ARMH3: variants seen among roughly 807,000 people sequenced by gnomAD.
ARMH3 encodes armadillo-like helical domain-containing protein 3.
A neutral mutation model predicts 99.1 loss-of-function variants in ARMH3; 60 were observed. The observed-to-expected ratio is 0.61, with a 90% CI of 0.49 to 0.75. The LOEUF is 0.75. Among genes scored for constraint, ARMH3 ranks in the 30% least tolerant of loss-of-function variants. The pLI, the probability that ARMH3 is intolerant of heterozygous loss-of-function variation, is 0.00. For synonymous variants in ARMH3, 285 were observed against 292.8 expected (o/e 0.97, Z 0.27); for missense variants, 679 against 843.1 (o/e 0.81, Z 2.41).
chr10:102,046,258 AAG>A (rs1196950874), intron 1 of ARMH3, among the ~76,000 whole-genome samples: 7 of 151,908 alleles, frequency 4.6e-5, no homozygotes, highest in African/African-American at 1.7e-4. Context: ...CTGGAAAAGA[AAG>A]AGAGAAAAAG....
At position 101,906,361 on chromosome 10, in the gene ARMH3, A is replaced by G. The variant is rs77770675; in HGVS notation, c.1782-16871T>C. 7.3e-3 allele frequency among the ~76,000 whole-genome samples: 1,107 copies of G among 152,330 alleles called. 11 individuals carry two copies. The highest frequency in any genetic ancestry group is 0.025 in the African/African-American group (1,053 of 41,560). On this transcript the variant is annotated intron_variant, in intron 23 of 25. Coordinates refer to ENST00000370033, the MANE Select transcript of ARMH3 (RefSeq NM_024541.3). ...CTGCCCTCAAAGTGATGCTGCTAAC[A>G]TATACTCCCACCAGCAGTGTAAAGA...
intron 23 of ARMH3, among the ~76,000 whole-genome samples, chr10:101,924,152 G>A (rs1343403827): frequency 3.3e-5 from 5 of 152,164 alleles, no homozygotes; most frequent in African/African-American, 4.8e-5. Context: ...ATCAGGATTC[G>A]AAAAATACCC....
At position 102,047,252 on chromosome 10, in the gene ARMH3, T is replaced by C. The variant is rs535034187; in HGVS notation, c.-11-7127A>G. On this transcript the variant is annotated intron_variant, in intron 1 of 25. Transcript: ENST00000370033. ...TTTTTTTCACTATTTTAATTGAGTA[T>C]AGTCAGTGTTCTGAGGATAATTCTC... Among the ~76,000 whole-genome samples, 25 of 152,286 alleles carry C rather than the reference T, an allele frequency of 1.6e-4. No individual in the cohort carries two copies. The South Asian group carries it at 5.0e-3, about 30-fold the overall frequency.
intron 23 of ARMH3, among the ~76,000 whole-genome samples, chr10:101,902,375 T>C (rs894950586): frequency 8.5e-5 from 13 of 152,112 alleles, no homozygotes; most frequent in African/African-American, 1.2e-4. Flanking sequence ...TAGACAGAAG[T>C]AGGTAAGGTC....
Position 102,055,527 on chromosome 10 carries a change from G to A in ARMH3, c.-12+558C>T, listed in dbSNP as rs534672867. Among the ~76,000 whole-genome samples the A allele has an allele frequency of 9.9e-5, 15 of 152,084 alleles. 1 individual carries two copies. The South Asian group carries it at 2.9e-3, about 30-fold the overall frequency. On this transcript the variant is annotated intron_variant, in intron 1 of 25. Transcript: ENST00000370033. Reference sequence around the variant, plus strand: ...TCCTGGGAACAGGTTCCTTTCCTGGGCTCTCGCCGAGTAACCCAAAGAAAA... The same window carrying A: ...TCCTGGGAACAGGTTCCTTTCCTGGACTCTCGCCGAGTAACCCAAAGAAAA...
chr10:101,969,096 G>A (rs947999688), intron 20 of ARMH3, among the ~76,000 whole-genome samples: 1 of 152,088 alleles, frequency 6.6e-6, no homozygotes, highest in African/African-American at 2.4e-5. Flanking sequence ...GATAGAAATA[G>A]CAGCTGCCAA....
chr10:101,865,345 T>C (rs2066977513), intron 24 of ARMH3, among the ~76,000 whole-genome samples: 2 of 152,130 alleles, frequency 1.3e-5, no homozygotes, highest in African/African-American at 4.8e-5. Flanking sequence ...AAGTCTATTA[T>C]AAAAAGTTAA....
rs1463786674 is a variant in ARMH3 at position 102,049,190 on chromosome 10, C to T, written c.-12+6895G>A. On this transcript the variant is annotated intron_variant, in intron 1 of 25. Transcript: ENST00000370033. ...GACTGGCTCTAAGACAAGCAAATAA[C>T]CCCTTTCTATTTTAATGAATTTCTA... 3.3e-5 allele frequency among the ~76,000 whole-genome samples: 5 copies of T among 152,154 alleles called. No individual in the cohort carries two copies. The South Asian group carries it at 1.0e-3, about 31-fold the overall frequency.
At chr10:101,943,798 T>C (rs1436291020) in intron 22 of ARMH3, among the ~76,000 whole-genome samples, 1 of 151,684 alleles carries the variant, frequency 6.6e-6, no homozygotes, top group African/African-American at 2.4e-5. Context: ...GGCACGGTGG[T>C]TCATGCCTGT....
Position 101,975,203 on chromosome 10 carries a change from G to A in ARMH3, c.1495+9C>T, listed in dbSNP as rs1845941620. 1 of 1,609,922 alleles carries A rather than the reference G, an allele frequency of 6.2e-7. No homozygotes were observed. The highest frequency in any genetic ancestry group is 1.3e-5 in the African/African-American group (1 of 74,904). ...GAAAAAGGAAGATGAATTCAAGAGA[G>A]AAAGTTACCTGACCAGAGCTCCCGC... On this transcript the variant is annotated intron_variant, in intron 20 of 25. Coordinates refer to ENST00000370033, the MANE Select transcript of ARMH3 (RefSeq NM_024541.3).
chr10:102,040,258 G>A (rs1329947417), intron 1 of ARMH3, 133 bp from the exon 2 acceptor site: 1 of 720,164 alleles, frequency 1.4e-6, no homozygotes, highest in Non-Finnish European at 2.3e-6. Flanking sequence ...GTAAACTGTG[G>A]ACTTTGGGTG....
intron 22 of ARMH3, among the ~76,000 whole-genome samples, chr10:101,944,271 TATAGAGAGAGAGAG>T (rs1844399080): frequency 5.0e-5 from 2 of 40,030 alleles, no homozygotes; most frequent in African/African-American, 1.2e-4. Flanking sequence ...TATATATATA[TATAGAGAGAGAGAG>T]AGAGAGAGAG....
Position 101,968,419 on chromosome 10 carries a change from C to T in ARMH3, c.1495+6793G>A, listed in dbSNP as rs567417960. Among the ~76,000 whole-genome samples the T allele has an allele frequency of 3.0e-3, 452 of 152,276 alleles. 1 individual carries two copies. Among genetic ancestry groups the T allele is most frequent in the Non-Finnish European group, 4.9e-3 (332 of 68,006 alleles). On this transcript the variant is annotated intron_variant, in intron 20 of 25. Transcript: ENST00000370033. ...AAAATGAGGTAGGACCAATAACAGA[C>T]TTGTCTTGCTCCCTCGAGATCCAGA...
At chr10:101,987,223 A>G (rs1264784894) in intron 19 of ARMH3, among the ~76,000 whole-genome samples, 2 of 152,038 alleles carry the variant, frequency 1.3e-5, no homozygotes, top group Non-Finnish European at 2.9e-5. Context: ...TCTACACTCT[A>G]ACCACCTGGA....
intron 23 of ARMH3, among the ~76,000 whole-genome samples, chr10:101,932,906 G>A (rs1016817937): frequency 6.6e-6 from 1 of 152,202 alleles, no homozygotes; most frequent in South Asian, 2.1e-4. Flanking sequence ...GTTAAAATGG[G>A]CCAGGAGCGG....
In ARMH3 at chr10:102,052,929, AC is replaced by A. The variant is rs531992724; in HGVS notation, c.-12+3155del. Among the ~76,000 whole-genome samples the A allele has an allele frequency of 3.3e-5, 5 of 151,794 alleles. No homozygotes were observed. The East Asian group carries it at 7.7e-4, about 23-fold the overall frequency. ...CCCCTATGCCTCTTTCCATACCCTA[AC>A]CTTTGGAAACCTGCTCTACTTTTTC... is the stretch of plus-strand genomic sequence containing the variant. On this transcript the variant is annotated intron_variant, in intron 1 of 25. Transcript: ENST00000370033.
intron 24 of ARMH3, among the ~76,000 whole-genome samples, chr10:101,882,569 G>A (rs1395904456): frequency 1.3e-5 from 2 of 152,080 alleles, no homozygotes; most frequent in Non-Finnish European, 2.9e-5. Context: ...GCACGATCTC[G>A]GCTCACTGCA....
chr10:101,998,110 G>A (rs927819109), intron 15 of ARMH3, among the ~76,000 whole-genome samples: 1 of 152,084 alleles, frequency 6.6e-6, no homozygotes, highest in African/African-American at 2.4e-5. Context: ...TTTATGGATG[G>A]CAAGTGACCA....
intron 23 of ARMH3, among the ~76,000 whole-genome samples, chr10:101,934,299 G>A (rs1002775274): frequency 1.3e-5 from 2 of 152,094 alleles, no homozygotes. Flanking sequence ...AAAGAAAACA[G>A]CTACATAAGC....
Sources: allele counts gnomAD v4.1 joint callset (sites outside exome capture counted in the v4.1 genomes callset), GRCh38; gene constraint gnomAD v4.1.1; transcripts MANE v1.5; gene names NCBI Gene and HGNC (gene_info 2026-07-23, HGNC 2026-07-21).